The following HDAC9 variants were observed in gnomAD, a reference collection of about 807,000 sequenced individuals.
HDAC9 encodes histone deacetylase 9.
HDAC9 carries 41 observed loss-of-function variants against 139.4 expected under a neutral mutation model. That is an observed-to-expected ratio of 0.29 (90% CI 0.23 to 0.38). The LOEUF (loss-of-function observed/expected upper bound fraction) is 0.38. HDAC9 is among the 10% of genes least tolerant of loss of function. The probability of loss-of-function intolerance (pLI) is 1.00; values close to 1 mark genes in which losing one functional copy is unlikely to be tolerated. For missense variants in HDAC9, 1,147 were observed against 1,297.0 expected (o/e 0.88, Z 1.78); for synonymous variants, 517 against 476.2 (o/e 1.09, Z -1.12).
intron 1 of HDAC9, among the ~76,000 whole-genome samples, chr7:18,105,068 CTT>C (rs1024253827): frequency 2.1e-4 from 31 of 150,050 alleles, no homozygotes; most frequent in African/African-American, 7.2e-4. Flanking sequence ...AGCCTCAAAA[CTT>C]TGATCAGCTC....
At chr7:18,644,947 A>T (rs1228436412) in intron 9 of HDAC9, among the ~76,000 whole-genome samples, 154 bp downstream of exon 9, 1 of 152,172 alleles carries the variant, frequency 6.6e-6, no homozygotes, top group Non-Finnish European at 1.5e-5. Context: ...GTTCAAAGAC[A>T]TTCAGTCTAA....
intron 1 of HDAC9, among the ~76,000 whole-genome samples, chr7:18,107,671 T>C (rs547234843): frequency 3.9e-5 from 6 of 152,352 alleles, no homozygotes; most frequent in East Asian, 1.9e-4. Flanking sequence ...GATTTTAAAC[T>C]GACACCTCCC....
At chr7:18,756,261 G>A (rs1187398881) in intron 14 of HDAC9, among the ~76,000 whole-genome samples, 1 of 152,130 alleles carries the variant, frequency 6.6e-6, no homozygotes, top group Non-Finnish European at 1.5e-5. Flanking sequence ...TTTGGAGATG[G>A]GAAAGTAACA....
intron 13 of HDAC9, among the ~76,000 whole-genome samples, chr7:18,728,908 T>G (rs924944809): frequency 1.1e-4 from 16 of 152,224 alleles, no homozygotes; most frequent in Admixed American, 4.6e-4. Context: ...CATTCCATAC[T>G]AGGAGCTATG....
chr7:18,824,666 A>G (rs1465017219), intron 17 of HDAC9, among the ~76,000 whole-genome samples: 1 of 152,192 alleles, frequency 6.6e-6, no homozygotes, highest in Non-Finnish European at 1.5e-5. Flanking sequence ...AAATCAGGAT[A>G]TTGAATGGAT....
intron 13 of HDAC9, among the ~76,000 whole-genome samples, chr7:18,739,262 G>T (rs1276951500): frequency 6.6e-6 from 1 of 152,130 alleles, no homozygotes; most frequent in Non-Finnish European, 1.5e-5. Context: ...GCCTACTTTT[G>T]TCAACTTGAC....
intron 2 of HDAC9, among the ~76,000 whole-genome samples, chr7:18,188,798 T>A (rs1487594361): frequency 6.6e-6 from 1 of 151,834 alleles, no homozygotes; most frequent in African/African-American, 2.4e-5. Flanking sequence ...TGAGATACTA[T>A]CTCATGCCAG....
intron 21 of HDAC9, among the ~76,000 whole-genome samples, chr7:18,860,294 G>A (rs1315568943): frequency 2.0e-5 from 3 of 152,082 alleles, no homozygotes; most frequent in African/African-American, 7.2e-5. Flanking sequence ...AAAAAAATCA[G>A]CCTTTCCAAA....
chr7:18,410,866 G>A (rs1788481230), intron 1 of HDAC9, among the ~76,000 whole-genome samples: 1 of 152,112 alleles, frequency 6.6e-6, no homozygotes, highest in Non-Finnish European at 1.5e-5. Flanking sequence ...GATTAATATA[G>A]CTTTACAAAT....
chr7:18,396,452 T>C (rs957251238), intron 1 of HDAC9, among the ~76,000 whole-genome samples: 2 of 152,106 alleles, frequency 1.3e-5, no homozygotes, highest in Non-Finnish European at 2.9e-5. Flanking sequence ...TTTATTAATA[T>C]TCCCAATAGC....
intron 2 of HDAC9, among the ~76,000 whole-genome samples, chr7:18,262,356 A>G (rs1795734840): frequency 6.6e-6 from 1 of 152,244 alleles, no homozygotes; most frequent in African/African-American, 2.4e-5. Flanking sequence ...GATGAAGGAA[A>G]GGCTATCAAG....
intron 2 of HDAC9, among the ~76,000 whole-genome samples, chr7:18,197,475 A>G (rs551458867): frequency 6.6e-6 from 1 of 152,180 alleles, no homozygotes; most frequent in East Asian, 1.9e-4. Flanking sequence ...GTAGTGAGGT[A>G]GGTAGCTTGT....
At chr7:18,973,532 G>C (rs961621298) in intron 24 of HDAC9, among the ~76,000 whole-genome samples, 12 of 152,116 alleles carry the variant, frequency 7.9e-5, no homozygotes, top group Admixed American at 6.5e-4. Flanking sequence ...TGTTGACATG[G>C]AAAGTGGGTG....
rs1024702804 is a variant in HDAC9 at position 18,670,031 on chromosome 7, TAG to T, written c.1731+3557_1731+3558del. ...TTGTTGAAACCTAGTACTTAACAGA[TAG>T]ATATATATAGAGTATTGTTTTTAAT... On this transcript the variant is annotated intron_variant, in intron 12 of 25. Transcript: ENST00000686413. Among the ~76,000 whole-genome samples the T allele has an allele frequency of 4.8e-4, 43 of 90,284 alleles. No homozygotes were observed. The African/African-American group carries it at 1.0e-2, about 21-fold the overall frequency. 59.2% of individuals were successfully genotyped at this position (90,284 alleles called of 152,430 possible).
chr7:18,978,263 T>A (rs1784677286), intron 25 of HDAC9, among the ~76,000 whole-genome samples: 1 of 152,136 alleles, frequency 6.6e-6, no homozygotes, highest in Non-Finnish European at 1.5e-5. Context: ...ACTCATTTCA[T>A]ACTAAGATTT....
At chr7:18,165,541 G>A (rs373596367) in intron 2 of HDAC9, among the ~76,000 whole-genome samples, 42 of 152,208 alleles carry the variant, frequency 2.8e-4, no homozygotes, top group African/African-American at 1.0e-3. Context: ...AATCCCAGCA[G>A]TTTGAGAGGC....
intron 1 of HDAC9, among the ~76,000 whole-genome samples, chr7:18,296,654 T>G (rs752918315): frequency 1.3e-5 from 2 of 152,136 alleles, no homozygotes; most frequent in African/African-American, 2.4e-5. Flanking sequence ...TGTCTATGCC[T>G]GTAGGATGGA....
intron 23 of HDAC9, among the ~76,000 whole-genome samples, chr7:18,936,817 A>G (rs1781668533): frequency 6.6e-6 from 1 of 152,090 alleles, no homozygotes; most frequent in Admixed American, 6.5e-5. Flanking sequence ...ACTGTAATGC[A>G]TGCCTTTGCC....
intron 9 of HDAC9, 78 bp downstream of exon 9, chr7:18,644,871 G>C (rs1479677861): frequency 7.0e-7 from 1 of 1,427,588 alleles, no homozygotes; most frequent in African/African-American, 1.4e-5. Flanking sequence ...CGTGTTTTAT[G>C]TATTTAGACT....
Sources: gnomAD v4.1 joint callset for allele counts (sites outside exome capture counted in the v4.1 genomes callset) on GRCh38, gnomAD v4.1.1 for gene constraint, MANE v1.5 for transcripts, NCBI Gene and HGNC (gene_info 2026-07-23, HGNC 2026-07-21) for gene names.